Variants in RBFOX1 observed in about 807,000 individuals in gnomAD.
The protein encoded by RBFOX1 is RNA binding protein fox-1 homolog 1.
A neutral mutation model predicts 57.7 loss-of-function variants in RBFOX1; 8 were observed. The observed-to-expected ratio is 0.14, with a 90% CI of 0.08 to 0.25. The LOEUF (loss-of-function observed/expected upper bound fraction) is 0.25. Among genes scored for constraint, RBFOX1 ranks in the 10% least tolerant of loss-of-function variants. RBFOX1 has a pLI of 1.00. For synonymous variants in RBFOX1, 326 were observed against 222.4 expected, an observed-to-expected ratio of 1.47 and a Z score of -4.15; for missense variants, 611 against 548.5, an observed-to-expected ratio of 1.11 and a Z score of -1.14.
At chr16:6,086,323 C>T (rs956383385) in intron 1 of RBFOX1, among the ~76,000 whole-genome samples, 13 of 152,124 alleles carry the variant, frequency 8.5e-5, no homozygotes, top group Non-Finnish European at 1.8e-4. Context: ...TTGCTGTTCA[C>T]CCAGCCCCGT....
intron 4 of RBFOX1, among the ~76,000 whole-genome samples, chr16:7,466,283 G>A (rs2060503101): frequency 6.6e-6 from 1 of 152,114 alleles, no homozygotes; most frequent in Admixed American, 6.6e-5. Context: ...TGCTGTTTAT[G>A]GTTTTACCAG....
rs570253598 is a variant in RBFOX1 at position 6,748,458 on chromosome 16, C to G, written c.-16+93808C>G. 7.3e-3 allele frequency among the ~76,000 whole-genome samples: 1,111 copies of G among 152,198 alleles called. 16 individuals are homozygous for G. Among genetic ancestry groups the G allele is most frequent in the African/African-American group, 0.025 (1,046 of 41,516 alleles). ...GGAGGATTGCATAAGCCCAGGAGTT[C>G]AAGACCAGCCTGGGCAACATAACAA... On this transcript the variant is annotated intron_variant, in intron 3 of 15. Transcript: ENST00000550418.
At chr16:7,468,454 G>T (rs1293390273) in intron 4 of RBFOX1, among the ~76,000 whole-genome samples, 5 of 140,352 alleles carry the variant, frequency 3.6e-5, no homozygotes, top group African/African-American at 1.3e-4. Context: ...TCACTCGGAG[G>T]GTGTTTTTTT....
chr16:5,242,208 T>C (rs1161951453), intron 1 of RBFOX1, among the ~76,000 whole-genome samples: 1 of 152,128 alleles, frequency 6.6e-6, no homozygotes, highest in Non-Finnish European at 1.5e-5. Flanking sequence ...AAGGATGATA[T>C]ATTGATAATG....
chr16:5,247,936 T>C (rs1021958981), intron 1 of RBFOX1, among the ~76,000 whole-genome samples: 1 of 152,068 alleles, frequency 6.6e-6, no homozygotes, highest in Non-Finnish European at 1.5e-5. Flanking sequence ...GGATTTTGAG[T>C]GGGGTTTCCT....
chr16:6,033,193 C>T (rs145023590), intron 1 of RBFOX1, among the ~76,000 whole-genome samples: 60 of 152,320 alleles, frequency 3.9e-4, no homozygotes, highest in African/African-American at 1.2e-3. Context: ...AAAAGATTCA[C>T]TCAAATAATT....
chr16:7,210,101 A>G (rs774323462), intron 4 of RBFOX1, among the ~76,000 whole-genome samples: 4 of 152,210 alleles, frequency 2.6e-5, no homozygotes, highest in African/African-American at 9.7e-5. Flanking sequence ...CAGTGTGTGC[A>G]TTGCTTGTCA....
intron 1 of RBFOX1, among the ~76,000 whole-genome samples, chr16:5,387,327 C>G (rs2066285139): frequency 4.6e-5 from 7 of 152,186 alleles, no homozygotes; most frequent in Admixed American, 4.6e-4. Flanking sequence ...GAGATTTAAA[C>G]ACACACACTT....
Position 6,203,153 on chromosome 16 carries a change from C to T in RBFOX1, c.-126-113842C>T, listed in dbSNP as rs1467679919. Among the ~76,000 whole-genome samples the T allele has an allele frequency of 4.6e-5, 7 of 152,072 alleles. No homozygotes were observed. The East Asian group carries it at 1.4e-3, about 29-fold the overall frequency. On this transcript the variant is annotated intron_variant, in intron 1 of 15. Coordinates refer to ENST00000550418, the MANE Select transcript of RBFOX1 (RefSeq NM_018723.4). ...TCATAGCAAATTTTTAAGTCTACAA[C>T]ACAGTATAATTAACCATAGGCCTTA...
chr16:6,580,779 G>C (rs1466369246), intron 2 of RBFOX1, among the ~76,000 whole-genome samples: 2 of 152,098 alleles, frequency 1.3e-5, no homozygotes, highest in East Asian at 1.9e-4. Context: ...TGAAGCCCTG[G>C]AGTTTAGATT....
chr16:7,051,814 C>G (rs892523813), intron 3 of RBFOX1, among the ~76,000 whole-genome samples: 8 of 152,158 alleles, frequency 5.3e-5, no homozygotes, highest in Non-Finnish European at 1.0e-4. Context: ...CCCACACATA[C>G]TCCTGCACGT....
intron 2 of RBFOX1, among the ~76,000 whole-genome samples, chr16:6,609,546 A>G (rs2098008083): frequency 6.6e-6 from 1 of 151,960 alleles, no homozygotes; most frequent in South Asian, 2.1e-4. Flanking sequence ...GTTTCACTAC[A>G]TTGCCCAGGC....
intron 1 of RBFOX1, among the ~76,000 whole-genome samples, chr16:5,397,597 C>A (rs1215657284): frequency 6.6e-6 from 1 of 152,110 alleles, no homozygotes; most frequent in Admixed American, 6.6e-5. Context: ...TATAGGAGCA[C>A]AAAAGACTCA....
intron 2 of RBFOX1, among the ~76,000 whole-genome samples, chr16:6,453,268 C>T (rs868631322): frequency 3.3e-5 from 5 of 152,128 alleles, no homozygotes; most frequent in African/African-American, 1.2e-4. Context: ...CTCTAGCCCC[C>T]CACCCCTTGA....
At chr16:7,097,017 A>G (rs899821249) in intron 4 of RBFOX1, among the ~76,000 whole-genome samples, 5 of 152,110 alleles carry the variant, frequency 3.3e-5, no homozygotes, top group Non-Finnish European at 4.4e-5. Flanking sequence ...AGAAAGCGAA[A>G]TGAATCCTGG....
At chr16:6,856,931 A>T (rs1224756619) in intron 3 of RBFOX1, among the ~76,000 whole-genome samples, 1 of 152,186 alleles carries the variant, frequency 6.6e-6, no homozygotes, top group Non-Finnish European at 1.5e-5. Flanking sequence ...AAGAGAAGGA[A>T]AGAAAACGAA....
At chr16:7,576,224 C>A (rs1197126509) in intron 5 of RBFOX1, among the ~76,000 whole-genome samples, 1 of 152,054 alleles carries the variant, frequency 6.6e-6, no homozygotes, top group Non-Finnish European at 1.5e-5. Flanking sequence ...GCACCTAGCC[C>A]CATTACCCCA....
chr16:6,251,158 A>G (rs1042283392), intron 1 of RBFOX1, among the ~76,000 whole-genome samples: 17 of 152,288 alleles, frequency 1.1e-4, no homozygotes, highest in South Asian at 4.2e-4. Flanking sequence ...CCCTACAGTA[A>G]TAATAACACT....
chr16:7,281,246 G>A (rs986584470), intron 4 of RBFOX1, among the ~76,000 whole-genome samples: 55 of 151,832 alleles, frequency 3.6e-4, no homozygotes, highest in African/African-American at 1.3e-3. Flanking sequence ...TAAGTGATCT[G>A]CCTGTCCCAG....
Sources: allele counts gnomAD v4.1 joint callset (sites outside exome capture counted in the v4.1 genomes callset), GRCh38; gene constraint gnomAD v4.1.1; transcripts MANE v1.5; gene names NCBI Gene and HGNC (gene_info 2026-07-23, HGNC 2026-07-21).